The following C2CD5 variants were observed in gnomAD, a reference collection of about 807,000 sequenced individuals.
The protein encoded by C2CD5 is C2 calcium dependent domain containing 5.
A neutral mutation model predicts 130.3 loss-of-function variants in C2CD5; 109 were observed. The ratio of observed to expected loss-of-function variants is 0.84; its 90% confidence interval spans 0.72 to 0.98. The LOEUF is 0.98. C2CD5 is among the 50% of genes least tolerant of loss of function. The pLI, the probability that C2CD5 is intolerant of heterozygous loss-of-function variation, is 0.00. For synonymous variants in C2CD5, 454 were observed against 429.2 expected, an observed-to-expected ratio of 1.06 and a Z score of -0.71; for missense variants, 996 against 1,261.8, an observed-to-expected ratio of 0.79 and a Z score of 3.19.
intron 9 of C2CD5, among the ~76,000 whole-genome samples, chr12:22,511,690 T>A (rs1271570624): frequency 3.3e-5 from 5 of 152,220 alleles, no homozygotes; most frequent in Non-Finnish European, 2.9e-5. Context: ...TAATTCAAAA[T>A]GGTTTTCACT....
At chr12:22,543,282 A>AG (rs1952583352) in intron 2 of C2CD5, among the ~76,000 whole-genome samples, 1 of 152,266 alleles carries the variant, frequency 6.6e-6, no homozygotes. Flanking sequence ...TTCCGGCCGT[A>AG]GGCCTTTACT....
intron 22 of C2CD5, among the ~76,000 whole-genome samples, chr12:22,464,240 T>C (rs1255228789): frequency 6.6e-6 from 1 of 152,186 alleles, no homozygotes; most frequent in Non-Finnish European, 1.5e-5. Context: ...ACAAAGACAA[T>C]TAACTTCCCT....
chr12:22,498,146 A>C (rs1007028749), intron 10 of C2CD5, among the ~76,000 whole-genome samples: 3 of 152,128 alleles, frequency 2.0e-5, no homozygotes, highest in African/African-American at 7.2e-5. Flanking sequence ...CTCAGGGAAA[A>C]TGATAATTGC....
At chr12:22,536,398 C>A (rs947145503) in intron 2 of C2CD5, among the ~76,000 whole-genome samples, 1 of 152,046 alleles carries the variant, frequency 6.6e-6, no homozygotes, top group African/African-American at 2.4e-5. Flanking sequence ...ATGGCAATAA[C>A]TTTATTTTCA....
chr12:22,517,873 T>A (rs888270754), intron 8 of C2CD5, 113 bp downstream of exon 8: 1 of 823,344 alleles, frequency 1.2e-6, no homozygotes, highest in Non-Finnish European at 1.9e-6. Flanking sequence ...ATTCACATTT[T>A]CTTTTTAACT....
Position 22,518,084 on chromosome 12 carries a change from G to A in C2CD5, c.854C>T (p.Thr285Ile). Residue 285 changes from threonine (T) to isoleucine (I), a missense_variant, in exon 8 of 27, where the codon ACC (threonine) becomes ATC (isoleucine). Physicochemically the swap from Thr to Ile is moderately conservative, Grantham distance 89 (BLOSUM62 -1). Around this residue, in one of 9 missense-constraint regions of C2CD5, gnomAD observed 156 missense variants for 165.9 expected, o/e 0.94. Transcript: ENST00000446597. The stretch of plus-strand genomic sequence containing the variant: ...GGAATAAGTTTGGTTTTTCAGAGGG[G>A]TTGAGGGTCCTGATGAGTGAGTATT... ...NPNTHSSGPS[T>I]PLKNQTYSFS... 6.2e-7 allele frequency: 1 copy of A among 1,613,428 alleles called. No individual in the cohort carries two copies. The highest frequency in any genetic ancestry group is 1.1e-5 in the South Asian group (1 of 91,074).
At position 22,544,339 on chromosome 12, in the gene C2CD5, C is replaced by T. The variant is rs528202141; in HGVS notation, c.-49G>A. The stretch of plus-strand genomic sequence containing the variant: ...ACTCACTGTCGCAGGAGGAAGGGTG[C>T]TGTCCCGCGCGGGTGCTGAGACCTC... On this transcript the variant is annotated 5_prime_UTR_variant, in exon 1 of 27. Transcript: ENST00000446597. 155 of 498,646 alleles carry T rather than the reference C, an allele frequency of 3.1e-4. No homozygotes were observed. The highest frequency in any genetic ancestry group is 3.0e-3 in the African/African-American group (145 of 48,234). The allele number at this position is 498,646 out of a possible 1,614,324, so 30.9% of individuals were successfully genotyped here. A position where few individuals can be genotyped will look rare whatever the true frequency, so the allele number is the denominator to read the frequency against.
At chr12:22,478,882 T>C (rs931792847) in intron 14 of C2CD5, among the ~76,000 whole-genome samples, 3 of 151,742 alleles carry the variant, frequency 2.0e-5, no homozygotes. Context: ...AACAAGAATG[T>C]GATCTTTGCT....
At chr12:22,512,706 A>C in intron 9 of C2CD5, 1 of 1,473,856 alleles carries the variant, frequency 6.8e-7, no homozygotes, top group Non-Finnish European at 9.0e-7. Context: ...ATTTAAAAAA[A>C]AAAAAGAGAG....
chr12:22,510,843 A>G (rs1408438956), intron 9 of C2CD5, among the ~76,000 whole-genome samples: 1 of 152,188 alleles, frequency 6.6e-6, no homozygotes, highest in Admixed American at 6.5e-5. Flanking sequence ...ATTGAAAAAC[A>G]AATCTGGCTG....
chr12:22,494,917 C>A (rs1455813137), intron 10 of C2CD5, among the ~76,000 whole-genome samples: 1 of 151,970 alleles, frequency 6.6e-6, no homozygotes, highest in Non-Finnish European at 1.5e-5. Flanking sequence ...GACATACACA[C>A]TTACGGACCA....
chr12:22,517,182 TAAC>T (rs1258938996), intron 8 of C2CD5, among the ~76,000 whole-genome samples: 5 of 151,838 alleles, frequency 3.3e-5, no homozygotes, highest in African/African-American at 1.2e-4. Flanking sequence ...TAACTAAAAA[TAAC>T]AAATAAGAAC....
intron 26 of C2CD5, among the ~76,000 whole-genome samples, chr12:22,450,848 G>A (rs1432405427): frequency 1.3e-5 from 2 of 151,926 alleles, no homozygotes; most frequent in African/African-American, 2.4e-5. Flanking sequence ...AATTCCGATC[G>A]ACCTATACCA....
chr12:22,540,503 T>C (rs1038357591), intron 2 of C2CD5, among the ~76,000 whole-genome samples: 6 of 152,186 alleles, frequency 3.9e-5, no homozygotes, highest in East Asian at 3.8e-4. Flanking sequence ...GCTGAATTCA[T>C]TGATTCATCT....
chr12:22,487,813 CAAT>C (rs1945747736), intron 12 of C2CD5, among the ~76,000 whole-genome samples: 1 of 151,994 alleles, frequency 6.6e-6, no homozygotes, highest in Non-Finnish European at 1.5e-5. Context: ...AAATGTCCAA[CAAT>C]GATAGAATGG....
chr12:22,523,825 AATATAAT>A (rs1950487878), intron 6 of C2CD5, among the ~76,000 whole-genome samples: 1 of 151,454 alleles, frequency 6.6e-6, no homozygotes, highest in Non-Finnish European at 1.5e-5. Flanking sequence ...ATAATTATAA[AATATAAT>A]ATATACTTAT....
At chr12:22,468,676 G>A (rs1942500577) in intron 22 of C2CD5, among the ~76,000 whole-genome samples, 1 of 151,980 alleles carries the variant, frequency 6.6e-6, no homozygotes. Context: ...CAGAATTTTG[G>A]GTGATCACAA....
intron 26 of C2CD5, 69 bp downstream of exon 26, chr12:22,453,827 T>G: frequency 7.0e-7 from 1 of 1,422,170 alleles, no homozygotes. Context: ...TTGGAGGGGG[T>G]TAGGGGTAGG....
At chr12:22,530,896 AAAATG>A (rs1423706023) in intron 3 of C2CD5, among the ~76,000 whole-genome samples, 1 of 152,222 alleles carries the variant, frequency 6.6e-6, no homozygotes, top group Non-Finnish European at 1.5e-5. Flanking sequence ...CATCATCATT[AAAATG>A]AAATATCATT....
Sources: allele counts gnomAD v4.1 joint callset (sites outside exome capture counted in the v4.1 genomes callset), GRCh38; gene constraint gnomAD v4.1.1; regional missense constraint gnomAD v4.1.1; transcripts MANE v1.5; gene names NCBI Gene and HGNC (gene_info 2026-07-23, HGNC 2026-07-21).